Variants in TXLNB observed in about 807,000 individuals in gnomAD.
The protein encoded by TXLNB is taxilin beta.
A neutral mutation model predicts 57.4 loss-of-function variants in TXLNB; 37 were observed. The observed-to-expected ratio is 0.64, with a 90% CI of 0.50 to 0.85. The LOEUF (loss-of-function observed/expected upper bound fraction) is 0.85, where lower values mean the gene tolerates loss of function less well. Ranked by LOEUF, TXLNB falls within the 40% of genes least tolerant of loss-of-function variation. TXLNB has a pLI of 0.00. For synonymous variants in TXLNB, 302 were observed against 309.6 expected (o/e 0.98, Z 0.26); for missense variants, 848 against 825.6 (o/e 1.03, Z -0.33).
chr6:139,251,285 AC>A (rs1475124869), intron 7 of TXLNB, among the ~76,000 whole-genome samples: 1 of 152,228 alleles, frequency 6.6e-6, no homozygotes, highest in African/African-American at 2.4e-5. Context: ...AATCTCTGGA[AC>A]TTTTTCCATC....
the TXLNB span, among the ~76,000 whole-genome samples, chr6:139,200,885 C>T: frequency 6.6e-6 from 1 of 152,168 alleles, no homozygotes; most frequent in Non-Finnish European, 1.5e-5. Flanking sequence ...ATAGCCTGGG[C>T]AGCTGCTGGA....
At chr6:139,243,395 C>T in intron 9 of TXLNB, 81 bp from the exon 10 acceptor site, 3 of 1,401,818 alleles carry the variant, frequency 2.1e-6, no homozygotes, top group Non-Finnish European at 2.9e-6. Context: ...TTTCTGGAAA[C>T]AAGCAAAACT....
the TXLNB span, among the ~76,000 whole-genome samples, chr6:139,199,009 A>G: frequency 2.7e-5 from 4 of 150,318 alleles, no homozygotes; most frequent in African/African-American, 4.9e-5. Flanking sequence ...CAAAATGTCA[A>G]TGTGCCATCT....
the TXLNB span, chr6:139,177,012 A>G: frequency 2.3e-6 from 2 of 872,920 alleles, no homozygotes; most frequent in Non-Finnish European, 4.0e-6. This position sits in a 1 kb window ranked among gnomAD's most constrained non-coding sequence, Gnocchi z 4.9. Context: ...ACTTCTCCGA[A>G]TATAGCAACG....
the TXLNB span, among the ~76,000 whole-genome samples, chr6:139,227,605 T>C: frequency 6.6e-6 from 1 of 152,118 alleles, no homozygotes; most frequent in African/African-American, 2.4e-5. Context: ...AGCAACATTA[T>C]CTGTAGTGGA....
chr6:139,187,745 C>CTTTA, the TXLNB span, among the ~76,000 whole-genome samples: 8 of 152,278 alleles, frequency 5.3e-5, no homozygotes, highest in Admixed American at 5.2e-4. Flanking sequence ...CATAGTGTGG[C>CTTTA]TTTACAAAGC....
intron 4 of TXLNB, among the ~76,000 whole-genome samples, chr6:139,263,377 C>T (rs534374668): frequency 1.6e-4 from 25 of 152,234 alleles, no homozygotes; most frequent in African/African-American, 5.8e-4. Flanking sequence ...GGGAATCTTT[C>T]CAAACATGCT....
chr6:139,294,524 C>T (rs1196127828), upstream of TXLNB, among the ~76,000 whole-genome samples: 1 of 152,000 alleles, frequency 6.6e-6, no homozygotes, highest in Non-Finnish European at 1.5e-5. Context: ...GAGGGTAGAG[C>T]TTTTATGAAT....
chr6:139,306,444 C>T, the TXLNB span, among the ~76,000 whole-genome samples: 14 of 152,194 alleles, frequency 9.2e-5, no homozygotes, highest in Admixed American at 2.6e-4. Flanking sequence ...ATGTGCTATA[C>T]AAAAGGTGCC....
chr6:139,166,933 C>T, the TXLNB span: 1 of 1,614,184 alleles, frequency 6.2e-7, no homozygotes, highest in Non-Finnish European at 8.5e-7. Context: ...TGGAGCCTCA[C>T]AAGAAGGCCA....
the TXLNB span, chr6:139,177,378 G>T: frequency 4.0e-6 from 1 of 250,846 alleles, no homozygotes; most frequent in African/African-American, 2.2e-5. This position sits in a 1 kb window ranked among gnomAD's most constrained non-coding sequence, Gnocchi z 4.9. Context: ...TTAAGATGGT[G>T]GGGAGGATGG....
intron 4 of TXLNB, among the ~76,000 whole-genome samples, chr6:139,268,136 C>T (rs1038255211): frequency 3.9e-5 from 5 of 126,654 alleles, no homozygotes; most frequent in Non-Finnish European, 6.2e-5. Context: ...GACGACAGAG[C>T]GAGACTCCAT....
the TXLNB span, among the ~76,000 whole-genome samples, chr6:139,163,352 CTTTTTTT>C: frequency 2.1e-5 from 3 of 142,466 alleles, no homozygotes; most frequent in East Asian, 2.4e-4. Context: ...GTTCTCCATT[CTTTTTTT>C]TTTTTTTTTT....
chr6:139,257,990 C>T (rs183194740), intron 6 of TXLNB, among the ~76,000 whole-genome samples: 6 of 152,128 alleles, frequency 3.9e-5, no homozygotes, highest in African/African-American at 1.2e-4. Context: ...CCTACAGTGT[C>T]CCCTCTGGCC....
chr6:139,182,125 A>AAAT, the TXLNB span, among the ~76,000 whole-genome samples: 1 of 152,218 alleles, frequency 6.6e-6, no homozygotes, highest in Non-Finnish European at 1.5e-5. Flanking sequence ...TCTTCAATTC[A>AAAT]AATATCATTC....
the TXLNB span, among the ~76,000 whole-genome samples, chr6:139,231,934 C>T: frequency 4.6e-5 from 7 of 152,114 alleles, no homozygotes; most frequent in Admixed American, 2.0e-4. Context: ...GACAAATGAA[C>T]GTGAATTTCT....
chr6:139,242,808 C>G lies in TXLNB; in HGVS notation c.1773G>C (p.Glu591Asp), dbSNP rs780354622. The part of the protein sequence containing the change: ...PAGLGAETQC[E>D]GLPVGAQADQ... ...CAGCCTGTGCTCCAACAGGGAGACC[C>G]TCGCATTGGGTTTCTGCTCCCAACC... Residue 591 changes from glutamate (E) to aspartate (D), a missense_variant, in exon 10 of 10, where the codon GAG becomes GAC. By Grantham distance (45) the Glu-to-Asp change is conservative. Transcript: ENST00000358430. 6.2e-7 allele frequency: 1 copy of G among 1,614,152 alleles called. No homozygotes were observed. Among genetic ancestry groups the G allele is most frequent in the South Asian group, 1.1e-5 (1 of 91,084 alleles).
chr6:139,295,928 G>A (rs1039588323), upstream of TXLNB, among the ~76,000 whole-genome samples: 4 of 152,124 alleles, frequency 2.6e-5, no homozygotes, highest in Non-Finnish European at 4.4e-5. Flanking sequence ...CAGCGTAAGA[G>A]GCCTATAAAT....
chr6:139,215,912 A>C, the TXLNB span, among the ~76,000 whole-genome samples: 1 of 152,088 alleles, frequency 6.6e-6, no homozygotes, highest in Non-Finnish European at 1.5e-5. Context: ...TGCAAATCAA[A>C]ACCACAATGA....
Sources: gnomAD v4.1 joint callset for allele counts (sites outside exome capture counted in the v4.1 genomes callset) on GRCh38, gnomAD v4.1.1 for gene constraint, Gnocchi (gnomAD v3.1) non-coding constraint, MANE v1.5 for transcripts, NCBI Gene and HGNC (gene_info 2026-07-23, HGNC 2026-07-21) for gene names.